SLC37A1: variants seen among roughly 807,000 people sequenced by gnomAD.
The protein encoded by SLC37A1 is glucose-6-phosphate exchanger SLC37A1.
SLC37A1 carries 49 observed loss-of-function variants against 75.3 expected under a neutral mutation model. That is an observed-to-expected ratio of 0.65 (90% CI 0.52 to 0.83). The LOEUF is 0.83. Ranked by LOEUF, SLC37A1 falls within the 40% of genes least tolerant of loss-of-function variation. The pLI, the probability that SLC37A1 is intolerant of heterozygous loss-of-function variation, is 0.00. For synonymous variants in SLC37A1, 268 were observed against 292.1 expected (o/e 0.92, Z 0.84); for missense variants, 566 against 695.0 (o/e 0.81, Z 2.09).
chr21:42,558,860 G>T (rs1367990580), intron 10 of SLC37A1, 98 bp from the exon 11 acceptor site: 1 of 1,515,282 alleles, frequency 6.6e-7, no homozygotes. Flanking sequence ...AGAGAGAGCC[G>T]CCAGGCACCC....
intron 19 of SLC37A1, 46 bp downstream of exon 19, chr21:42,579,846 A>C: frequency 6.3e-7 from 1 of 1,595,750 alleles, no homozygotes; most frequent in Non-Finnish European, 8.6e-7. Flanking sequence ...AGCCGGCTCC[A>C]AAGTGCCTTC....
At chr21:42,550,425 T>C (rs2055528099) in intron 9 of SLC37A1, among the ~76,000 whole-genome samples, 2 of 152,114 alleles carry the variant, frequency 1.3e-5, no homozygotes, top group Non-Finnish European at 2.9e-5. Flanking sequence ...TCTGAATAGA[T>C]CTAAAACAAG....
At chr21:42,555,933 C>T (rs544762530) in intron 10 of SLC37A1, among the ~76,000 whole-genome samples, 3 of 152,320 alleles carry the variant, frequency 2.0e-5, no homozygotes, top group South Asian at 4.1e-4. Context: ...TCAGGGTAGG[C>T]GGGGAGAGTC....
chr21:42,577,668 C>T (rs1461954304), intron 18 of SLC37A1, among the ~76,000 whole-genome samples: 1 of 152,088 alleles, frequency 6.6e-6, no homozygotes. Flanking sequence ...AGGGTAAATA[C>T]AGAAATACAG....
chr21:42,534,779 G>T lies in SLC37A1; in HGVS notation c.220G>T (p.Ala74Ser). The stretch of plus-strand genomic sequence containing the variant: ...CCAGAACAGGAAGTCTGGGTCCGCT[G>T]CCCCCCACCAGCTCCCTGACAATGA... ...SSQNRKSGSA[A>S]PHQLPDNETD... The change falls in exon 4 of 20, where the codon GCC (alanine) becomes TCC (serine). Residue 74 changes from alanine to serine, a missense_variant. By Grantham distance (99) the Ala-to-Ser change is moderately conservative. Coordinates refer to ENST00000352133, the MANE Select transcript of SLC37A1 (RefSeq NM_001320537.2). 6.2e-7 allele frequency: 1 copy of T among 1,613,940 alleles called. No individual in the cohort carries two copies. The highest frequency in any genetic ancestry group is 8.5e-7 in the Non-Finnish European group (1 of 1,179,966).
chr21:42,575,595 G>T (rs937355145), intron 18 of SLC37A1: 1 of 985,400 alleles, frequency 1.0e-6, no homozygotes, highest in Non-Finnish European at 1.2e-6. Flanking sequence ...GCTGTGAGGG[G>T]TGCATACACA....
At chr21:42,567,394 C>G (rs368102088) in intron 16 of SLC37A1, among the ~76,000 whole-genome samples, 5 of 152,210 alleles carry the variant, frequency 3.3e-5, no homozygotes, top group Admixed American at 3.3e-4. Flanking sequence ...CGAAGAGGCG[C>G]TGGGGGATTC....
In SLC37A1 at chr21:42,518,431, G is replaced by A. The variant is rs934380578; in HGVS notation, c.-24G>A. On this transcript the variant is annotated 5_prime_UTR_variant, in exon 2 of 20. Transcript: ENST00000352133. ...TGAAGCATCTTATTCTGCGACCGAG[G>A]CTCAGTGGTCAGTGGCGACGTAAAT... 12 of 1,614,018 alleles carry A rather than the reference G, an allele frequency of 7.4e-6. No individual in the cohort carries two copies. Among genetic ancestry groups the A allele is most frequent in the Non-Finnish European group, 1.0e-5 (12 of 1,179,954 alleles).
chr21:42,577,441 G>A (rs2056332090), intron 18 of SLC37A1, among the ~76,000 whole-genome samples: 2 of 152,218 alleles, frequency 1.3e-5, no homozygotes, highest in Non-Finnish European at 1.5e-5. Context: ...CTGACTCTCA[G>A]TTTAAAACAA....
chr21:42,500,208 A>C (rs1381124381), intron 1 of SLC37A1, among the ~76,000 whole-genome samples: 2 of 152,268 alleles, frequency 1.3e-5, no homozygotes, highest in African/African-American at 4.8e-5. Flanking sequence ...GTTTATTAGA[A>C]TAATTGTACT....
Position 42,581,258 on chromosome 21 carries a change from C to A in SLC37A1, c.*898C>A, listed in dbSNP as rs1451637391. On this transcript the variant is annotated 3_prime_UTR_variant, in exon 20 of 20. Transcript: ENST00000352133. ...ACTGTTTTTAATACATAGCAACAGA[C>A]TGGGTTATTTATTTAAGATGTGTAT... 3 of 152,638 alleles carry A rather than the reference C, an allele frequency of 2.0e-5. No individual in the cohort carries two copies. In the East Asian group the frequency reaches 5.8e-4, roughly 29 times the overall value. The allele number at this position is 152,638 out of a possible 1,614,324, so 9.5% of individuals were successfully genotyped here. A position where few individuals can be genotyped will look rare whatever the true frequency, so the allele number is the denominator to read the frequency against.
intron 2 of SLC37A1, among the ~76,000 whole-genome samples, chr21:42,504,674 T>C (rs2054368128): frequency 6.6e-6 from 1 of 152,196 alleles, no homozygotes; most frequent in African/African-American, 2.4e-5. Flanking sequence ...AATGAATTAA[T>C]TGACTCTAAA....
chr21:42,541,940 C>G (rs1372578145), intron 6 of SLC37A1, among the ~76,000 whole-genome samples: 1 of 152,160 alleles, frequency 6.6e-6, no homozygotes, highest in Non-Finnish European at 1.5e-5. Flanking sequence ...GGGGGTCTCT[C>G]TATATTGCCC....
intron 1 of SLC37A1, among the ~76,000 whole-genome samples, chr21:42,515,258 G>C (rs577803676): frequency 6.6e-6 from 1 of 152,074 alleles, no homozygotes; most frequent in African/African-American, 2.4e-5. Context: ...TGGACAGGAA[G>C]TTGTATTCTA....
At position 42,540,191 on chromosome 21, in the gene SLC37A1, G is replaced by A. The variant is rs1443972649; in HGVS notation, c.486+544G>A. 4.6e-5 allele frequency among the ~76,000 whole-genome samples: 7 copies of A among 152,344 alleles called. No homozygotes were observed. In the South Asian group the frequency reaches 6.2e-4, roughly 14 times the overall value. ...ATACTGAGGGCTGCAGTGTATGGTC[G>A]CAACACACAGCGGGACAGGGCGTTC... On this transcript the variant is annotated intron_variant, in intron 6 of 19. Transcript: ENST00000352133.
rs747546823 is a variant in SLC37A1 at position 42,568,405 on chromosome 21, G to T, written c.1390G>T (p.Val464Leu). 6.2e-7 allele frequency: 1 copy of T among 1,614,106 alleles called. No individual in the cohort carries two copies. The highest frequency in any genetic ancestry group is 8.5e-7 in the Non-Finnish European group (1 of 1,180,000). ...AGGCAACGCGCACGCCCTCTCCACC[G>T]TGACGGCCATCATTGACGGGACGGG... Reference protein sequence around the residue: ...LKGNAHALSTVTAIIDGTGSV... With the variant: ...LKGNAHALSTLTAIIDGTGSV... The change falls in exon 17 of 20, where the codon GTG (valine) becomes TTG (leucine). Residue 464 changes from valine to leucine, a missense_variant. Val to Leu is a conservative substitution (Grantham distance 32, BLOSUM62 1). Coordinates refer to ENST00000352133, the MANE Select transcript of SLC37A1 (RefSeq NM_001320537.2).
At chr21:42,523,705 G>C (rs2054710305) in intron 2 of SLC37A1, among the ~76,000 whole-genome samples, 1 of 152,238 alleles carries the variant, frequency 6.6e-6, no homozygotes, top group East Asian at 1.9e-4. Context: ...TGGAGAGGAA[G>C]AATTGGAGAA....
chr21:42,555,072 G>A (rs1233818991), intron 10 of SLC37A1, among the ~76,000 whole-genome samples: 3 of 142,536 alleles, frequency 2.1e-5, no homozygotes, highest in African/African-American at 7.8e-5. Flanking sequence ...TGCAACCTCC[G>A]CCTCCTGGGT....
At chr21:42,537,918 G>A (rs138361637) in intron 5 of SLC37A1, among the ~76,000 whole-genome samples, 1 of 152,206 alleles carries the variant, frequency 6.6e-6, no homozygotes, top group Non-Finnish European at 1.5e-5. Flanking sequence ...TATGTCAGAT[G>A]AAATCAGATC....
Sources: allele counts gnomAD v4.1 joint callset (sites outside exome capture counted in the v4.1 genomes callset), GRCh38; gene constraint gnomAD v4.1.1; transcripts MANE v1.5; gene names NCBI Gene and HGNC (gene_info 2026-07-23, HGNC 2026-07-21).